The following ROBO1 variants were observed in gnomAD, a reference collection of about 807,000 sequenced individuals.
ROBO1 encodes the protein roundabout homolog 1.
A neutral mutation model predicts 195.9 loss-of-function variants in ROBO1; 149 were observed. That is an observed-to-expected ratio of 0.76 (90% confidence interval 0.67 to 0.87). ROBO1 has a LOEUF of 0.87. Among genes scored for constraint, ROBO1 ranks in the 40% least tolerant of loss-of-function variants. The pLI is 0.00. For synonymous variants in ROBO1, 816 were observed against 733.2 expected (o/e 1.11, Z -1.82); for missense variants, 1,933 against 2,068.3 (o/e 0.93, Z 1.27).
intron 8 of ROBO1, among the ~76,000 whole-genome samples, chr3:78,697,262 A>C (rs1316394212): frequency 6.6e-6 from 1 of 151,852 alleles, no homozygotes; most frequent in Non-Finnish European, 1.5e-5. Flanking sequence ...AAATAAAGGA[A>C]AGAGGGAGGG....
intron 3 of ROBO1, among the ~76,000 whole-genome samples, chr3:79,066,141 G>C (rs115861067): frequency 6.6e-6 from 1 of 151,824 alleles, no homozygotes; most frequent in East Asian, 1.9e-4. Context: ...GTAGGTCAGC[G>C]GAGCCCTAAA....
At chr3:79,332,789 G>A (rs2034499906) in intron 2 of ROBO1, among the ~76,000 whole-genome samples, 1 of 152,172 alleles carries the variant, frequency 6.6e-6, no homozygotes, top group Middle Eastern at 3.2e-3. Context: ...GAATTTTTAA[G>A]TATCCATCAT....
chr3:79,694,243 C>G (rs772649855), intron 1 of ROBO1, among the ~76,000 whole-genome samples: 6 of 151,772 alleles, frequency 4.0e-5, no homozygotes, highest in African/African-American at 4.8e-5. Flanking sequence ...CTCATTTTGA[C>G]AGTAGAATGT....
intron 1 of ROBO1, among the ~76,000 whole-genome samples, chr3:79,603,544 G>A (rs975093675): frequency 6.6e-6 from 1 of 151,884 alleles, no homozygotes; most frequent in African/African-American, 2.4e-5. Flanking sequence ...TGCGAGTGTT[G>A]GGTGTCACAT....
chr3:79,758,288 T>C (rs1704515396), intron 1 of ROBO1, among the ~76,000 whole-genome samples: 1 of 152,222 alleles, frequency 6.6e-6, no homozygotes, highest in Non-Finnish European at 1.5e-5. Flanking sequence ...AAATTGGCTA[T>C]CTAAACTGAA....
chr3:78,649,392 C>A (rs1306087713), intron 19 of ROBO1, among the ~76,000 whole-genome samples: 1 of 152,000 alleles, frequency 6.6e-6, no homozygotes, highest in Non-Finnish European at 1.5e-5. Context: ...CTCTCTGGGT[C>A]CCTAAGTGAT....
At chr3:79,047,538 C>T (rs549381086) in intron 3 of ROBO1, among the ~76,000 whole-genome samples, 1 of 152,054 alleles carries the variant, frequency 6.6e-6, no homozygotes, top group Non-Finnish European at 1.5e-5. Context: ...TCGTGAATAT[C>T]TTAAAAAGAT....
intron 1 of ROBO1, among the ~76,000 whole-genome samples, chr3:79,600,107 C>T (rs1944296309): frequency 6.6e-6 from 1 of 151,894 alleles, no homozygotes; most frequent in African/African-American, 2.4e-5. Flanking sequence ...GCCCACTTGA[C>T]CTTCAATCAT....
At chr3:78,667,764 C>A in intron 14 of ROBO1, 119 bp downstream of exon 14, 6 of 998,288 alleles carry the variant, frequency 6.0e-6, no homozygotes, top group Non-Finnish European at 8.5e-6. Context: ...GCAACTTGGG[C>A]AACTTGAACA....
intron 5 of ROBO1, among the ~76,000 whole-genome samples, chr3:78,726,572 C>T (rs2082167031): frequency 6.6e-6 from 1 of 152,178 alleles, no homozygotes; most frequent in Admixed American, 6.5e-5. Flanking sequence ...TCTAGCGTAT[C>T]ATCCTTAAAC....
chr3:79,474,602 C>G (rs1446515599), intron 2 of ROBO1, among the ~76,000 whole-genome samples: 1 of 151,900 alleles, frequency 6.6e-6, no homozygotes, highest in Admixed American at 6.6e-5. Flanking sequence ...TTAGGAGGGC[C>G]ACACATAAAT....
chr3:79,032,772 A>C (rs1471083314), intron 3 of ROBO1, among the ~76,000 whole-genome samples: 1 of 152,084 alleles, frequency 6.6e-6, no homozygotes, highest in Non-Finnish European at 1.5e-5. Context: ...ACATACACAT[A>C]CACATCCTAT....
At chr3:79,285,166 T>C (rs1158402176) in intron 2 of ROBO1, among the ~76,000 whole-genome samples, 8 of 152,170 alleles carry the variant, frequency 5.3e-5, no homozygotes, top group African/African-American at 2.4e-5. Context: ...CAAGAGTTTA[T>C]ATATGGCTAA....
chr3:78,998,257 C>A (rs981662009), intron 3 of ROBO1, among the ~76,000 whole-genome samples: 8 of 152,094 alleles, frequency 5.3e-5, no homozygotes, highest in Non-Finnish European at 7.4e-5. Flanking sequence ...ACACATACGT[C>A]TAATCTTAAG....
In ROBO1 at chr3:78,714,502, T is replaced by C. The variant is rs370050482; in HGVS notation, c.940A>G (p.Thr314Ala). Residue 314 changes from threonine to alanine, a missense_variant, in exon 8 of 31, where the codon ACC becomes GCC. Thr to Ala is a moderately conservative substitution (Grantham distance 58). Coordinates refer to ENST00000464233, the MANE Select transcript of ROBO1 (RefSeq NM_002941.4). ...KSRYEIRDDH[T>A]LKIRKVTAGD... ...GCTGTCACCTTCCTAATTTTCAAGG[T>C]ATGATCATCTCGGATTTCATATCTA... The C allele has an allele frequency of 1.6e-5, 25 of 1,611,606 alleles. No individual in the cohort carries two copies. In the African/African-American group the frequency reaches 2.7e-4, roughly 17 times the overall value.
At chr3:79,606,111 C>T (rs192647953) in intron 1 of ROBO1, among the ~76,000 whole-genome samples, 39 of 150,734 alleles carry the variant, frequency 2.6e-4, no homozygotes, top group African/African-American at 9.3e-4. Context: ...TCAATAAGAG[C>T]TTTAATTTAC....
At chr3:78,682,157 CT>C (rs1246828637) in intron 10 of ROBO1, among the ~76,000 whole-genome samples, 1 of 151,800 alleles carries the variant, frequency 6.6e-6, no homozygotes, top group Admixed American at 6.6e-5. Context: ...TTTTTCCCCC[CT>C]GAAGTTAGGA....
chr3:78,745,376 A>G (rs1027590948), intron 5 of ROBO1, among the ~76,000 whole-genome samples: 1 of 151,950 alleles, frequency 6.6e-6, no homozygotes, highest in Non-Finnish European at 1.5e-5. Flanking sequence ...CAGGAAAGGC[A>G]TGAGGGAAAG....
intron 4 of ROBO1, among the ~76,000 whole-genome samples, chr3:78,888,375 C>T (rs1471799495): frequency 6.6e-6 from 1 of 152,060 alleles, no homozygotes; most frequent in African/African-American, 2.4e-5. Context: ...AGGCTGATCA[C>T]GGGAAGGTGG....
Sources: gnomAD v4.1 joint callset for allele counts (sites outside exome capture counted in the v4.1 genomes callset) on GRCh38, gnomAD v4.1.1 for gene constraint, MANE v1.5 for transcripts, NCBI Gene and HGNC (gene_info 2026-07-23, HGNC 2026-07-21) for gene names.